Variants in GPT2 observed in about 807,000 individuals in gnomAD.
GPT2 encodes the protein alanine aminotransferase 2.
GPT2 carries 30 observed loss-of-function variants against 56.9 expected under a neutral mutation model. The ratio of observed to expected loss-of-function variants is 0.53; its 90% CI spans 0.39 to 0.72. The LOEUF (loss-of-function observed/expected upper bound fraction) is 0.72, where lower values mean the gene tolerates loss of function less well. Ranked by LOEUF, GPT2 falls within the 30% of genes least tolerant of loss-of-function variation. The pLI is 0.00. For missense variants in GPT2, 542 were observed against 703.4 expected, an observed-to-expected ratio of 0.77 and a Z score of 2.60; for synonymous variants, 271 against 283.1, an observed-to-expected ratio of 0.96 and a Z score of 0.43.
At chr16:46,910,825 C>G (rs1961034967) in intron 6 of GPT2, among the ~76,000 whole-genome samples, 1 of 152,014 alleles carries the variant, frequency 6.6e-6, no homozygotes, top group Admixed American at 6.6e-5. Flanking sequence ...GGTCTTAACT[C>G]CTGGCCTCAA....
At chr16:46,913,598 A>G (rs1319460063) in intron 6 of GPT2, among the ~76,000 whole-genome samples, 1 of 152,252 alleles carries the variant, frequency 6.6e-6, no homozygotes, top group African/African-American at 2.4e-5. Flanking sequence ...TAGCTAGTTC[A>G]AGATAGAAAT....
In GPT2 at chr16:46,900,702, C is replaced by T. The variant is rs1960800024; in HGVS notation, c.354C>T (p.Tyr118=). The change falls in exon 4 of 12, where the codon TAC becomes TAT. Residue 118 remains tyrosine (Y), a synonymous_variant. Coordinates refer to ENST00000340124, the MANE Select transcript of GPT2 (RefSeq NM_133443.4). The part of the protein sequence containing the change: ...FLRQVMALCT[Y]PNLLDSPSFP... ...CCCAGGTGATGGCACTATGCACCTA[C>T]CCAAACCTGCTGGACAGCCCCAGCT... 6.2e-7 allele frequency: 1 copy of T among 1,613,860 alleles called. No individual in the cohort carries two copies. The highest frequency in any genetic ancestry group is 1.3e-5 in the African/African-American group (1 of 74,910).
chr16:46,900,574 C>T lies in GPT2; in HGVS notation c.334-108C>T, dbSNP rs1378466743. ...GGCTGAGTCCTCGCAGAGAGGCTTG[C>T]GTCAGCCCCATCCCTGGGAGCTGTC... On this transcript the variant is annotated intron_variant, in intron 3 of 11. Transcript: ENST00000340124. 42 of 796,046 alleles carry T rather than the reference C, an allele frequency of 5.3e-5. 1 individual carries two copies. The South Asian group carries it at 5.6e-4, about 11-fold the overall frequency. The allele number at this position is 796,046 out of a possible 1,614,324, so 49.3% of individuals were successfully genotyped here.
At chr16:46,924,893 A>C (rs1961372333) in intron 10 of GPT2, among the ~76,000 whole-genome samples, 1 of 151,560 alleles carries the variant, frequency 6.6e-6, no homozygotes, top group Admixed American at 6.6e-5. Context: ...GCGCTTCCCA[A>C]ACTTCAGTGT....
chr16:46,928,829 G>T (rs1961470492), intron 11 of GPT2, 78 bp from the exon 12 acceptor site: 2 of 1,074,112 alleles, frequency 1.9e-6, no homozygotes, highest in Admixed American at 3.5e-5. Flanking sequence ...TCCATTCCTA[G>T]AGGCAGTTTA....
intron 6 of GPT2, among the ~76,000 whole-genome samples, chr16:46,910,458 G>C (rs959883689): frequency 6.0e-5 from 9 of 150,778 alleles, no homozygotes; most frequent in Admixed American, 6.0e-4. Flanking sequence ...GGGAAGCTGA[G>C]GTGGAAGGAT....
rs2143456845 is a variant in GPT2, at chr16:46,906,952, A to G, written c.553A>G (p.Thr185Ala). 6.2e-7 allele frequency: 1 copy of G among 1,614,076 alleles called. No homozygotes were observed. The highest frequency in any genetic ancestry group is 8.5e-7 in the Non-Finnish European group (1 of 1,180,020). Residue 185 changes from threonine (T) to alanine (A), a missense_variant, in exon 5 of 12, where the codon ACG (threonine) becomes GCG (alanine). Thr to Ala is a moderately conservative substitution (Grantham distance 58). Coordinates refer to ENST00000340124, the MANE Select transcript of GPT2 (RefSeq NM_133443.4). Reference protein sequence around the residue: ...PADPDNIYLTTGASDGISTIL... With the variant: ...PADPDNIYLTAGASDGISTIL... The stretch of plus-strand genomic sequence containing the variant: ...GGACCCCGACAACATCTACCTGACC[A>G]CGGGAGCTAGTGACGGCATTTCTGT...
intron 2 of GPT2, among the ~76,000 whole-genome samples, chr16:46,887,006 T>C (rs1266671345): frequency 6.6e-6 from 1 of 152,212 alleles, no homozygotes; most frequent in Non-Finnish European, 1.5e-5. Flanking sequence ...GATAGCCTCA[T>C]TGAAACCCTT....
At chr16:46,920,010 C>A (rs1032804588) in intron 8 of GPT2, among the ~76,000 whole-genome samples, 2 of 152,140 alleles carry the variant, frequency 1.3e-5, no homozygotes, top group African/African-American at 4.8e-5. Flanking sequence ...AGTTTGAGAT[C>A]AGCCTGGATA....
chr16:46,913,958 A>G (rs1196373989), intron 6 of GPT2, among the ~76,000 whole-genome samples: 1 of 152,222 alleles, frequency 6.6e-6, no homozygotes, highest in Non-Finnish European at 1.5e-5. Context: ...ACATGCATGT[A>G]TAGAAACATA....
intron 2 of GPT2, among the ~76,000 whole-genome samples, chr16:46,886,709 G>T (rs1268966373): frequency 6.6e-6 from 1 of 152,080 alleles, no homozygotes; most frequent in Non-Finnish European, 1.5e-5. Flanking sequence ...TTGTGTGCTG[G>T]GATTAGGATG....
At chr16:46,907,641 C>T (rs546143135) in intron 5 of GPT2, among the ~76,000 whole-genome samples, 2 of 152,266 alleles carry the variant, frequency 1.3e-5, no homozygotes, top group South Asian at 4.1e-4. Flanking sequence ...CAGCAAGGGT[C>T]GGAGTTACCA....
At chr16:46,884,529 C>A in intron 1 of GPT2, 62 bp downstream of exon 1, 2 of 631,256 alleles carry the variant, frequency 3.2e-6, no homozygotes, top group Non-Finnish European at 4.5e-6. Flanking sequence ...TGCGTTGGTG[C>A]TTCAGCGGCG....
At chr16:46,905,660 T>G (rs1172907886) in intron 4 of GPT2, among the ~76,000 whole-genome samples, 3 of 152,188 alleles carry the variant, frequency 2.0e-5, no homozygotes, top group Non-Finnish European at 4.4e-5. Flanking sequence ...AATACATCTT[T>G]CCATTTTATT....
At chr16:46,907,542 T>C (rs1278393240) in intron 5 of GPT2, among the ~76,000 whole-genome samples, 1 of 152,090 alleles carries the variant, frequency 6.6e-6, no homozygotes, top group African/African-American at 2.4e-5. Flanking sequence ...AGAGGGGGTG[T>C]GCTCTGAGCT....
At chr16:46,920,992 C>T (rs1961276226) in intron 8 of GPT2, among the ~76,000 whole-genome samples, 1 of 152,154 alleles carries the variant, frequency 6.6e-6, no homozygotes, top group Non-Finnish European at 1.5e-5. Context: ...CATTTTGATT[C>T]TCTGCTCATC....
intron 6 of GPT2, among the ~76,000 whole-genome samples, chr16:46,914,490 T>C (rs1961103905): frequency 1.3e-5 from 2 of 152,214 alleles, no homozygotes; most frequent in African/African-American, 2.4e-5. Context: ...TGAGCTGAGA[T>C]TGTGCCACTG....
intron 6 of GPT2, among the ~76,000 whole-genome samples, chr16:46,912,777 T>G (rs144269360): frequency 5.0e-4 from 76 of 152,134 alleles, no homozygotes; most frequent in Non-Finnish European, 9.4e-4. Context: ...CCGCAGACTT[T>G]CAGGGTCTGC....
At chr16:46,889,960 C>T (rs1429437513) in intron 2 of GPT2, among the ~76,000 whole-genome samples, 2 of 152,146 alleles carry the variant, frequency 1.3e-5, no homozygotes, top group African/African-American at 2.4e-5. Flanking sequence ...TCGCACTATC[C>T]TGTTTGGAGT....
Sources: gnomAD v4.1 joint callset for allele counts (sites outside exome capture counted in the v4.1 genomes callset) on GRCh38, gnomAD v4.1.1 for gene constraint, MANE v1.5 for transcripts, NCBI Gene and HGNC (gene_info 2026-07-23, HGNC 2026-07-21) for gene names.